The following TDP1 variants were observed in gnomAD, a reference collection of about 807,000 sequenced individuals.
TDP1 encodes tyrosyl-DNA phosphodiesterase 1, also known as tyr-DNA phosphodiesterase 1.
TDP1 carries 64 observed loss-of-function variants against 81.5 expected under a neutral mutation model. The observed-to-expected ratio is 0.79, with a 90% CI of 0.64 to 0.97. The LOEUF (loss-of-function observed/expected upper bound fraction) is 0.97. Ranked by LOEUF, TDP1 falls within the 50% of genes least tolerant of loss-of-function variation. TDP1 has a pLI of 0.00. For synonymous variants in TDP1, 256 were observed against 264.3 expected (o/e 0.97, Z 0.30); for missense variants, 723 against 743.8 (o/e 0.97, Z 0.33).
At chr14:89,974,471 C>A (rs779464794) in intron 6 of TDP1, among the ~76,000 whole-genome samples, 1 of 152,222 alleles carries the variant, frequency 6.6e-6, no homozygotes, top group Non-Finnish European at 1.5e-5. Context: ...GCATGCTGGT[C>A]TGTGAGCATC....
intron 14 of TDP1, among the ~76,000 whole-genome samples, chr14:90,011,575 G>C (rs1002639192): frequency 6.6e-6 from 1 of 152,220 alleles, no homozygotes; most frequent in African/African-American, 2.4e-5. Flanking sequence ...TGAGAAACTT[G>C]TTGGGAACTG....
At position 90,033,200 on chromosome 14, in the gene TDP1, T is replaced by A. The variant is rs772235823; in HGVS notation, c.1739T>A (p.Leu580Gln). The change falls in exon 16 of 17, where the codon CTG becomes CAG. Residue 580 changes from leucine (L) to glutamine (Q), a missense_variant. Physicochemically the swap from Leu to Gln is moderately radical, Grantham distance 113. Coordinates refer to ENST00000335725, the MANE Select transcript of TDP1 (RefSeq NM_018319.4). ...FPVPYDLPPE[L>Q]YGSKDRPWIW... ...GTGCCATATGATTTGCCTCCAGAAC[T>A]GTATGGAAGTAAAGGTGAGACACAG... The A allele has an allele frequency of 6.3e-7, 1 of 1,599,946 alleles. No individual in the cohort carries two copies. Among genetic ancestry groups the A allele is most frequent in the Non-Finnish European group, 8.6e-7 (1 of 1,167,284 alleles).
At chr14:90,032,641 T>C (rs960348152) in intron 15 of TDP1, 1 of 694,596 alleles carries the variant, frequency 1.4e-6, no homozygotes, top group African/African-American at 1.9e-5. Context: ...TTTTCATTTT[T>C]ATACTTCTGT....
At chr14:90,019,268 C>A in intron 14 of TDP1, 48 bp from the exon 15 acceptor site, 1 of 1,385,718 alleles carries the variant, frequency 7.2e-7, no homozygotes, top group Non-Finnish European at 1.0e-6. Context: ...TTGACCCACA[C>A]TGAGATGCCT....
intron 16 of TDP1, among the ~76,000 whole-genome samples, chr14:90,034,756 G>T (rs1440987744): frequency 6.6e-6 from 1 of 152,140 alleles, no homozygotes; most frequent in African/African-American, 2.4e-5. Flanking sequence ...ACAGAGAAAA[G>T]ATTTTTTTTT....
chr14:89,967,363 C>T lies in TDP1; in HGVS notation c.604-4C>T. The T allele has an allele frequency of 6.2e-7, 1 of 1,613,850 alleles. No homozygotes were observed. Among genetic ancestry groups the T allele is most frequent in the Non-Finnish European group, 8.5e-7 (1 of 1,179,752 alleles). ...CTTAGTTACTCTTCTTTTCTCCCAT[C>T]TAGTTTAACTACTGCTTTGACGTGG... On this transcript the variant is annotated splice_polypyrimidine_tract_variant and splice_region_variant and intron_variant, in intron 4 of 16. Coordinates refer to ENST00000335725, the MANE Select transcript of TDP1 (RefSeq NM_018319.4).
chr14:89,985,146 G>A lies in TDP1; in HGVS notation c.1067G>A (p.Gly356Asp), dbSNP rs1895411867. The A allele has an allele frequency of 6.2e-7, 1 of 1,611,012 alleles. No individual in the cohort carries two copies. Among genetic ancestry groups the A allele is most frequent in the Non-Finnish European group, 8.5e-7 (1 of 1,178,292 alleles). The change falls in exon 10 of 17, where the codon GGT (glycine) becomes GAT (aspartate). Residue 356 changes from glycine (G) to aspartate (D), a missense_variant. Transcript: ENST00000335725. Reference sequence around the variant, plus strand: ...TGTCTTTTTAGTGTTTATCTTATTGGTTCAACCCCAGGACGCTTTCAAGGA... The same window carrying A: ...TGTCTTTTTAGTGTTTATCTTATTGATTCAACCCCAGGACGCTTTCAAGGA... ...DLSETNVYLI[G>D]STPGRFQGSQ...
Position 89,979,762 on chromosome 14 carries a change from C to T in TDP1, c.792-778C>T, listed in dbSNP as rs35600192. On this transcript the variant is annotated intron_variant, in intron 7 of 16. Coordinates refer to ENST00000335725, the MANE Select transcript of TDP1 (RefSeq NM_018319.4). The stretch of plus-strand genomic sequence containing the variant: ...AAAGTCTGGAGCTCAGGTCTTCAGA[C>T]TTCAAATGGAAAGCTTTTATCTATA... 6.0e-3 allele frequency among the ~76,000 whole-genome samples: 906 copies of T among 152,268 alleles called. 6 individuals are homozygous for T. The highest frequency in any genetic ancestry group is 0.021 in the African/African-American group (869 of 41,542).
chr14:89,957,358 T>C (rs1178012325), intron 2 of TDP1, among the ~76,000 whole-genome samples: 2 of 152,210 alleles, frequency 1.3e-5, no homozygotes, highest in African/African-American at 2.4e-5. Flanking sequence ...CAGTAAGTTA[T>C]TGAATGAATG....
intron 16 of TDP1, 37 bp downstream of exon 16, chr14:90,033,251 G>A (rs1887489671): frequency 8.2e-7 from 1 of 1,217,342 alleles, no homozygotes; most frequent in South Asian, 1.2e-5. Flanking sequence ...GGGTGGATAT[G>A]CATAAGAAAA....
chr14:89,994,367 T>C (rs906907741), intron 14 of TDP1, among the ~76,000 whole-genome samples: 3 of 152,188 alleles, frequency 2.0e-5, no homozygotes, highest in African/African-American at 7.2e-5. Context: ...GCTTGGAGAT[T>C]TAGTAAGACT....
At position 89,966,210 on chromosome 14, in the gene TDP1, G is replaced by A; in HGVS notation, c.603+20G>A. ...GCTCAGGTGAGTATACCTTTAAGCT[G>A]TTTTTTCTTTGGGTGAAAGTAGACA... On this transcript the variant is annotated intron_variant, in intron 4 of 16. Transcript: ENST00000335725. 1 of 1,564,936 alleles carries A rather than the reference G, an allele frequency of 6.4e-7. No homozygotes were observed. Among genetic ancestry groups the A allele is most frequent in the Non-Finnish European group, 8.8e-7 (1 of 1,135,824 alleles).
chr14:89,992,075 TTATG>T lies in TDP1; in HGVS notation c.1433+95_1433+98del, dbSNP rs1896249515. ...TTTGTTTTTTTTTTTAAAAGGAACT[TTATG>T]TAATATAGCTATATTCTTTCATCTA... On this transcript the variant is annotated intron_variant, in intron 13 of 16. Transcript: ENST00000335725. 4.0e-6 allele frequency: 4 copies of T among 1,004,118 alleles called. No individual in the cohort carries two copies. The Admixed American group carries it at 5.3e-5, about 13-fold the overall frequency. The allele number at this position is 1,004,118 out of a possible 1,614,324, so 62.2% of individuals were successfully genotyped here. A position where few individuals can be genotyped will look rare whatever the true frequency, so the allele number is the denominator to read the frequency against.
intron 14 of TDP1, among the ~76,000 whole-genome samples, chr14:90,000,741 A>G: frequency 6.6e-6 from 1 of 152,132 alleles, no homozygotes; most frequent in East Asian, 1.9e-4. Context: ...TTTTGGCTGG[A>G]ATTAATTTTT....
intron 14 of TDP1, among the ~76,000 whole-genome samples, chr14:90,006,117 A>G (rs1897657859): frequency 6.6e-6 from 1 of 152,194 alleles, no homozygotes; most frequent in Admixed American, 6.5e-5. Flanking sequence ...ACTGAGGAAC[A>G]AAGTGAGGTT....
intron 5 of TDP1, among the ~76,000 whole-genome samples, chr14:89,970,129 G>A (rs1893447170): frequency 6.6e-6 from 1 of 152,044 alleles, no homozygotes; most frequent in Non-Finnish European, 1.5e-5. Context: ...GCCCGCCTCG[G>A]CCTCCCAAAG....
At chr14:90,031,509 C>G (rs1416725497) in intron 15 of TDP1, among the ~76,000 whole-genome samples, 1 of 151,774 alleles carries the variant, frequency 6.6e-6, no homozygotes, top group Non-Finnish European at 1.5e-5. Flanking sequence ...ATACAAAAAT[C>G]TGCCAGGCAT....
chr14:90,030,339 T>G (rs768986447), intron 15 of TDP1, among the ~76,000 whole-genome samples: 20 of 152,236 alleles, frequency 1.3e-4, no homozygotes, highest in Non-Finnish European at 2.4e-4. Context: ...CGCTTGGTAT[T>G]CTTCCCTATC....
intron 14 of TDP1, among the ~76,000 whole-genome samples, chr14:90,015,281 A>C (rs1244344368): frequency 2.6e-5 from 4 of 152,170 alleles, no homozygotes; most frequent in Admixed American, 2.6e-4. Context: ...CTAACATGCC[A>C]TTCCTGTGCT....
Sources: allele counts gnomAD v4.1 joint callset (sites outside exome capture counted in the v4.1 genomes callset), GRCh38; gene constraint gnomAD v4.1.1; transcripts MANE v1.5; gene names NCBI Gene and HGNC (gene_info 2026-07-23, HGNC 2026-07-21).